Variants in CLIC2 observed in about 807,000 individuals in gnomAD.
CLIC2 encodes the protein CLIC family member 2, also known as chloride intracellular channel protein 2.
Under a neutral mutation model 14.8 loss-of-function variants are expected in CLIC2, and 9 were observed. That is an observed-to-expected ratio of 0.61 (90% CI 0.37 to 1.06). The LOEUF (loss-of-function observed/expected upper bound fraction) is 1.06. Ranked by LOEUF, CLIC2 falls within the 50% of genes least tolerant of loss-of-function variation. The probability of loss-of-function intolerance (pLI) is 0.01; values close to 1 mark genes in which losing one functional copy is unlikely to be tolerated. For missense variants in CLIC2, 148 were observed against 181.4 expected (o/e 0.82, Z 1.06); for synonymous variants, 61 against 66.3 (o/e 0.92, Z 0.39).
intron 3 of CLIC2, among the ~76,000 whole-genome samples, chrX:155,297,860 CAAAAA>C (rs200891873): frequency 1.4e-3 from 7 of 5,124 alleles, no homozygotes; most frequent in Non-Finnish European, 1.9e-3. Flanking sequence ...ACTCCGGTCT[CAAAAA>C]AAAAAAAAAA....
intron 1 of CLIC2, among the ~76,000 whole-genome samples, chrX:155,322,349 C>T (rs183087417): frequency 1.8e-5 from 2 of 111,845 alleles, no homozygotes; most frequent in African/African-American, 3.2e-5. Flanking sequence ...GAAATCATGA[C>T]AAACAGTCTC....
At chrX:155,307,389 T>C (rs1455530635) in intron 1 of CLIC2, among the ~76,000 whole-genome samples, 2 of 111,039 alleles carry the variant, frequency 1.8e-5, no homozygotes, top group East Asian at 5.7e-4. Flanking sequence ...GCATGGCATG[T>C]ATAAAGAACT....
chrX:155,301,215 G>C (rs1160367365), intron 1 of CLIC2, among the ~76,000 whole-genome samples: 1 of 101,064 alleles, frequency 9.9e-6, no homozygotes, highest in Non-Finnish European at 2.0e-5. Flanking sequence ...CATGAGCATG[G>C]AATGTTCTTC....
intron 3 of CLIC2, among the ~76,000 whole-genome samples, chrX:155,297,884 A>AAAAAAAAAAAAAAAAAAAAAAAAT (rs1557318527): frequency 2.2e-5 from 1 of 45,217 alleles, no homozygotes. Flanking sequence ...AAAAAAAAAA[A>AAAAAAAAAAAAAAAAAAAAAAAAT]AAGAAGGTGA....
At chrX:155,278,191 T>C (rs1390111440) in intron 5 of CLIC2, 127 bp from the exon 6 acceptor site, 24 of 550,980 alleles carry the variant, frequency 4.4e-5, no homozygotes, top group African/African-American at 9.3e-5. Context: ...TAAAATAAAC[T>C]ATGAAGTAGA....
At chrX:155,326,297 G>A (rs1313781097) in intron 1 of CLIC2, among the ~76,000 whole-genome samples, 1 of 111,491 alleles carries the variant, frequency 9.0e-6, no homozygotes, top group Non-Finnish European at 1.9e-5. Flanking sequence ...AAAGGACATG[G>A]ACAGACATTG....
At chrX:155,304,891 C>T (rs1310347460) in intron 1 of CLIC2, among the ~76,000 whole-genome samples, 15 of 98,288 alleles carry the variant, frequency 1.5e-4, no homozygotes, top group South Asian at 5.4e-4. Context: ...TTAGGCTGCT[C>T]GGGGGTCAGG....
At chrX:155,306,157 A>C (rs1428876949) in intron 1 of CLIC2, among the ~76,000 whole-genome samples, 1 of 111,773 alleles carries the variant, frequency 8.9e-6, no homozygotes, top group Non-Finnish European at 1.9e-5. Flanking sequence ...TGTAATCTCC[A>C]ATGTTGGAGG....
chrX:155,290,023 G>T (rs781986425), intron 3 of CLIC2, among the ~76,000 whole-genome samples: 1 of 112,004 alleles, frequency 8.9e-6, no homozygotes, highest in South Asian at 3.7e-4. Context: ...CTACATGAAA[G>T]TAGTAAGTTT....
In CLIC2 at chrX:155,325,772, ATATATAT is replaced by A. The variant is rs2075134761; in HGVS notation, c.57+8592_57+8598del. ...AAAAAAGAAAATGTGATATATATAT[ATATATAT>A]ATATATATATATATATATATATATA... is the stretch of plus-strand genomic sequence containing the variant. On this transcript the variant is annotated intron_variant, in intron 1 of 5. Coordinates refer to ENST00000369449, the MANE Select transcript of CLIC2 (RefSeq NM_001289.6). 8.0e-4 allele frequency among the ~76,000 whole-genome samples: 45 copies of A among 56,475 alleles called. No homozygotes were observed. In the East Asian group the frequency reaches 0.028, roughly 35 times the overall value. The allele number at this position is 56,475 out of a possible 115,157, so 49.0% of individuals were successfully genotyped here.
At chrX:155,302,527 C>T (rs1569561323) in intron 1 of CLIC2, among the ~76,000 whole-genome samples, 1 of 94,871 alleles carries the variant, frequency 1.1e-5, no homozygotes, top group African/African-American at 3.7e-5. Context: ...TTTCAAAAAA[C>T]CACCTCCTGG....
intron 1 of CLIC2, among the ~76,000 whole-genome samples, chrX:155,326,051 C>T (rs2075136709): frequency 9.3e-6 from 1 of 108,098 alleles, no homozygotes; most frequent in African/African-American, 3.4e-5. Flanking sequence ...AGATAAAAGA[C>T]TACACATTGG....
chrX:155,296,939 T>C (rs782235482), intron 3 of CLIC2, among the ~76,000 whole-genome samples: 1 of 111,520 alleles, frequency 9.0e-6, no homozygotes, highest in East Asian at 2.8e-4. Flanking sequence ...TACCATAAGA[T>C]CCAAAAATCT....
chrX:155,311,364 G>C (rs2075073839), intron 1 of CLIC2, among the ~76,000 whole-genome samples: 1 of 111,595 alleles, frequency 9.0e-6, no homozygotes, highest in Non-Finnish European at 1.9e-5. Context: ...CAAATCTCTA[G>C]GGCAGGGACA....
intron 3 of CLIC2, among the ~76,000 whole-genome samples, chrX:155,289,149 A>C (rs1488582375): frequency 5.4e-5 from 6 of 111,038 alleles, no homozygotes; most frequent in Non-Finnish European, 1.1e-4. Flanking sequence ...CGTCTCAAAA[A>C]AAAAAAAAAT....
intron 1 of CLIC2, among the ~76,000 whole-genome samples, chrX:155,303,987 G>A (rs1557319564): frequency 9.4e-6 from 1 of 106,155 alleles, no homozygotes; most frequent in Non-Finnish European, 1.9e-5. Context: ...AGGGTAACCC[G>A]ACCTTTCTCT....
chrX:155,321,164 C>T (rs1386797409), intron 1 of CLIC2, among the ~76,000 whole-genome samples: 16 of 111,856 alleles, frequency 1.4e-4, no homozygotes, highest in Admixed American at 1.1e-3. Context: ...AGGAGAACTT[C>T]CCCAACCTAG....
At chrX:155,322,069 T>C (rs1225954647) in intron 1 of CLIC2, among the ~76,000 whole-genome samples, 1 of 111,235 alleles carries the variant, frequency 9.0e-6, no homozygotes. Flanking sequence ...AGCAAGTTCT[T>C]AGAGACCTAC....
Position 155,297,378 on chromosome X carries a change from G to T in CLIC2, c.293+1407C>A, listed in dbSNP as rs782819219. 1.9e-4 allele frequency among the ~76,000 whole-genome samples: 21 copies of T among 110,018 alleles called. No homozygotes were observed. In the South Asian group the frequency reaches 7.8e-3, roughly 41 times the overall value. On this transcript the variant is annotated intron_variant, in intron 3 of 5. Transcript: ENST00000369449. Reference sequence around the variant, plus strand: ...AAGTACACACATAAATAAGATAGAAGGAATAAATTCAATGTTTGATAGAAG... The same window carrying T: ...AAGTACACACATAAATAAGATAGAATGAATAAATTCAATGTTTGATAGAAG...
Sources: gnomAD v4.1 joint callset for allele counts (sites outside exome capture counted in the v4.1 genomes callset) on GRCh38, gnomAD v4.1.1 for gene constraint, MANE v1.5 for transcripts, NCBI Gene and HGNC (gene_info 2026-07-23, HGNC 2026-07-21) for gene names.